ANKFN1: variants seen among roughly 807,000 people sequenced by gnomAD.
The protein encoded by ANKFN1 is ankyrin repeat and fibronectin type-III domain-containing protein 1.
A neutral mutation model predicts 108.7 loss-of-function variants in ANKFN1; 74 were observed. That is an observed-to-expected ratio of 0.68 (90% CI 0.56 to 0.83). The LOEUF (loss-of-function observed/expected upper bound fraction) is 0.83. Among genes scored for constraint, ANKFN1 ranks in the 40% least tolerant of loss-of-function variants. The pLI is 0.00. For missense variants in ANKFN1, 1,505 were observed against 1,382.3 expected, an observed-to-expected ratio of 1.09 and a Z score of -1.41; for synonymous variants, 547 against 516.2, an observed-to-expected ratio of 1.06 and a Z score of -0.81.
intron 1 of ANKFN1, among the ~76,000 whole-genome samples, chr17:56,168,816 T>C (rs921251403): frequency 4.6e-5 from 7 of 152,180 alleles, no homozygotes; most frequent in Non-Finnish European, 7.3e-5. Context: ...ATCACCCTAA[T>C]TGGAACAGTT....
rs1201810505 is a variant in ANKFN1 at position 56,515,379 on chromosome 17, A to G, written c.*4110A>G. Among the ~76,000 whole-genome samples, 2 of 152,228 alleles carry G rather than the reference A, an allele frequency of 1.3e-5. No individual in the cohort carries two copies. The highest frequency in any genetic ancestry group is 6.5e-5 in the Admixed American group (1 of 15,286). Reference sequence around the variant, plus strand: ...TTACAAAGTCTAAATATTTTTCCAGATGATTTAATGAAGCAAACCTGGACT... The same window carrying G: ...TTACAAAGTCTAAATATTTTTCCAGGTGATTTAATGAAGCAAACCTGGACT... On this transcript the variant is annotated 3_prime_UTR_variant, in exon 21 of 21. Coordinates refer to ENST00000682825, the MANE Select transcript of ANKFN1 (RefSeq NM_001370326.1).
At position 56,101,304 on chromosome 17, in the gene ANKFN1, T is replaced by C. The variant is rs190743149; in HGVS notation, c.288+54979T>C. Among the ~76,000 whole-genome samples the C allele has an allele frequency of 1.5e-3, 226 of 152,338 alleles. 2 individuals are homozygous for C. The highest frequency in any genetic ancestry group is 5.3e-3 in the African/African-American group (221 of 41,576). Reference sequence around the variant, plus strand: ...AATTCTTTCCTCCCCACTTCTTCTTTACCATATAGGAAACAAATCAATGTC... The same window carrying C: ...AATTCTTTCCTCCCCACTTCTTCTTCACCATATAGGAAACAAATCAATGTC... On this transcript the variant is annotated intron_variant, in intron 4 of 12. Transcript: ENST00000635860.
intron 4 of ANKFN1, among the ~76,000 whole-genome samples, chr17:56,055,600 C>CACACATAT (rs1567778636): frequency 8.9e-5 from 3 of 33,614 alleles, no homozygotes; most frequent in African/African-American, 3.9e-4. Flanking sequence ...TATATATACA[C>CACACATAT]ATTTTTTTAT....
chr17:56,333,071 G>T (rs1356960938), intron 4 of ANKFN1, among the ~76,000 whole-genome samples: 2 of 151,132 alleles, frequency 1.3e-5, no homozygotes, highest in Admixed American at 6.6e-5. Flanking sequence ...GATTTTTATA[G>T]ATTTATTAGA....
intron 3 of ANKFN1, among the ~76,000 whole-genome samples, chr17:56,300,658 C>T (rs980693898): frequency 2.0e-5 from 3 of 150,698 alleles, no homozygotes; most frequent in Admixed American, 6.6e-5. Context: ...ATGGGTCAGA[C>T]AGACAAGCTC....
At chr17:56,135,668 A>G in intron 4 of ANKFN1, among the ~76,000 whole-genome samples, 1 of 152,142 alleles carries the variant, frequency 6.6e-6, no homozygotes, top group Non-Finnish European at 1.5e-5. Flanking sequence ...CTCGGAAGTG[A>G]TGTACAGATT....
chr17:56,445,477 A>G (rs541595462), intron 10 of ANKFN1, among the ~76,000 whole-genome samples: 1 of 152,232 alleles, frequency 6.6e-6, no homozygotes, highest in East Asian at 1.9e-4. Flanking sequence ...ACTACTTTCT[A>G]AAATAGTATG....
intron 14 of ANKFN1, among the ~76,000 whole-genome samples, chr17:56,459,906 A>C (rs1598647290): frequency 6.6e-6 from 1 of 152,280 alleles, no homozygotes. Flanking sequence ...CCACTTCTGA[A>C]GTCATTTCCT....
intron 3 of ANKFN1, among the ~76,000 whole-genome samples, chr17:56,260,753 A>G (rs2043489527): frequency 6.6e-6 from 1 of 152,186 alleles, no homozygotes; most frequent in South Asian, 2.1e-4. Flanking sequence ...CAGTAGAAGC[A>G]TGGCTGTTTG....
intron 3 of ANKFN1, among the ~76,000 whole-genome samples, chr17:56,313,938 C>G (rs975087268): frequency 1.3e-5 from 2 of 152,144 alleles, no homozygotes; most frequent in Non-Finnish European, 2.9e-5. Flanking sequence ...TCCCACCAAC[C>G]CAGTACAACC....
Position 56,466,473 on chromosome 17 carries a change from G to A in ANKFN1, c.1675G>A (p.Gly559Ser). The part of the protein sequence containing the change: ...EVEMLYSFFN[G>S]KWMQISKLQS... ...GGAGATGCTTTATTCATTTTTTAAT[G>A]GCAAATGGATGCAGATCTCAAAGCT... The change falls in exon 15 of 21, where the codon GGC (glycine) becomes AGC (serine). Residue 559 changes from glycine to serine, a missense_variant. Transcript: ENST00000682825. 6.2e-7 allele frequency: 1 copy of A among 1,614,118 alleles called. No homozygotes were observed. The highest frequency in any genetic ancestry group is 8.5e-7 in the Non-Finnish European group (1 of 1,180,024).
rs151298512 is a variant in ANKFN1 at position 56,356,470 on chromosome 17, G to A, written c.601+2424G>A. Among the ~76,000 whole-genome samples the A allele has an allele frequency of 2.2e-3, 334 of 152,202 alleles. 2 individuals carry two copies. Among genetic ancestry groups the A allele is most frequent in the African/African-American group, 7.6e-3 (314 of 41,532 alleles). On this transcript the variant is annotated intron_variant, in intron 6 of 20. Coordinates refer to ENST00000682825, the MANE Select transcript of ANKFN1 (RefSeq NM_001370326.1). ...GGTCACATCTCTGCTCCTAAATTTC[G>A]TAAATCGCCACCACCCAAAGACTAG... is the stretch of plus-strand genomic sequence containing the variant.
At chr17:56,076,041 A>G (rs987325607) in intron 4 of ANKFN1, among the ~76,000 whole-genome samples, 4 of 152,154 alleles carry the variant, frequency 2.6e-5, no homozygotes, top group Admixed American at 2.0e-4. Context: ...TGGCATCTCT[A>G]CCTATCTCTG....
intron 2 of ANKFN1, among the ~76,000 whole-genome samples, chr17:56,214,233 GCT>G (rs1406896234): frequency 6.6e-6 from 1 of 152,130 alleles, no homozygotes; most frequent in Non-Finnish European, 1.5e-5. Flanking sequence ...CTGTTGTAGA[GCT>G]CTTTTAGTAG....
chr17:56,236,204 T>C (rs1037727983), intron 3 of ANKFN1, among the ~76,000 whole-genome samples: 5 of 151,924 alleles, frequency 3.3e-5, no homozygotes, highest in African/African-American at 1.2e-4. Flanking sequence ...ACTACAGGCA[T>C]GTGCGACCAC....
chr17:56,325,497 T>C (rs1390991391), intron 3 of ANKFN1, among the ~76,000 whole-genome samples: 1 of 152,214 alleles, frequency 6.6e-6, no homozygotes. Context: ...TACCCATATG[T>C]GTCTGGCATA....
intron 4 of ANKFN1, among the ~76,000 whole-genome samples, chr17:56,066,609 C>T (rs1205455491): frequency 6.6e-6 from 1 of 151,904 alleles, no homozygotes; most frequent in Admixed American, 6.6e-5. Flanking sequence ...CATAACATGA[C>T]GTGTATCATC....
At chr17:56,131,510 C>A (rs1907282488) in intron 4 of ANKFN1, among the ~76,000 whole-genome samples, 1 of 152,212 alleles carries the variant, frequency 6.6e-6, no homozygotes, top group African/African-American at 2.4e-5. Context: ...ATTTGTATCT[C>A]TTTTTACAAA....
chr17:56,342,644 T>A (rs1434821233), intron 4 of ANKFN1, among the ~76,000 whole-genome samples: 1 of 152,068 alleles, frequency 6.6e-6, no homozygotes, highest in Non-Finnish European at 1.5e-5. Flanking sequence ...AATTTGATTG[T>A]AACGTGGTCC....
Sources: gnomAD v4.1 joint callset for allele counts (sites outside exome capture counted in the v4.1 genomes callset) on GRCh38, gnomAD v4.1.1 for gene constraint, MANE v1.5 for transcripts, NCBI Gene and HGNC (gene_info 2026-07-23, HGNC 2026-07-21) for gene names.